The following LAMA2 variants were observed in gnomAD, a reference collection of about 807,000 sequenced individuals.
LAMA2 encodes the protein laminin subunit alpha 2, also known as laminin subunit alpha-2.
A neutral mutation model predicts 364.8 loss-of-function variants in LAMA2; 269 were observed. That is an observed-to-expected ratio of 0.74 (90% CI 0.67 to 0.82). LAMA2 has a LOEUF of 0.82. LAMA2 is among the 40% of genes least tolerant of loss of function. The probability of loss-of-function intolerance (pLI) is 0.00; values close to 1 mark genes in which losing one functional copy is unlikely to be tolerated. For missense variants in LAMA2, 3,807 were observed against 3,873.2 expected (o/e 0.98, Z 0.45); for synonymous variants, 1,379 against 1,370.6 (o/e 1.01, Z -0.14).
chr6:129,081,176 A>T (rs1037484834), intron 3 of LAMA2, among the ~76,000 whole-genome samples: 1 of 147,368 alleles, frequency 6.8e-6, no homozygotes, highest in Admixed American at 6.7e-5. Flanking sequence ...TCTCACTCAT[A>T]GGTGGGAAAC....
intron 22 of LAMA2, among the ~76,000 whole-genome samples, chr6:129,306,013 C>G (rs1329168528): frequency 6.6e-6 from 1 of 152,028 alleles, no homozygotes; most frequent in African/African-American, 2.4e-5. Context: ...AACCTTACAA[C>G]AGGAAACCTC....
At chr6:129,118,307 A>C (rs1048082707) in intron 4 of LAMA2, among the ~76,000 whole-genome samples, 4 of 152,178 alleles carry the variant, frequency 2.6e-5, no homozygotes, top group African/African-American at 9.7e-5. Flanking sequence ...TCTAATTTCC[A>C]ATTCTATCAC....
chr6:129,227,184 G>A (rs6931173), intron 12 of LAMA2, among the ~76,000 whole-genome samples: 20,186 of 152,002 alleles, frequency 0.13, 3,346 homozygotes, highest in African/African-American at 0.39. Context: ...AGCTCCATCA[G>A]GTCATTTAAG....
intron 28 of LAMA2, among the ~76,000 whole-genome samples, chr6:129,327,889 A>G (rs1252296038): frequency 6.6e-6 from 1 of 152,186 alleles, no homozygotes; most frequent in Non-Finnish European, 1.5e-5. Context: ...TTCATTGGAC[A>G]TTTGCTAGTT....
rs1375710164 is a variant in LAMA2 at position 129,393,087 on chromosome 6, A to T, written c.5277A>T (p.Gly1759=). The change falls in exon 37 of 65, where the codon GGA becomes GGT. Residue 1759 remains glycine (G), a synonymous_variant. Transcript: ENST00000421865. ...ALLKKVKKLF[G]ESRGENEEME... is the part of the protein sequence containing the mutation. ...TGAAAAAAGTGAAGAAGCTGTTTGG[A>T]GAGTCCCGGGGGGAAAATGAAGAAA... 6.2e-7 allele frequency: 1 copy of T among 1,613,884 alleles called. No individual in the cohort carries two copies. The highest frequency in any genetic ancestry group is 1.7e-5 in the Admixed American group (1 of 59,980).
At chr6:129,071,845 G>A (rs1773337349) in intron 3 of LAMA2, among the ~76,000 whole-genome samples, 2 of 152,022 alleles carry the variant, frequency 1.3e-5, no homozygotes, top group East Asian at 3.8e-4. Flanking sequence ...AAAACAATGT[G>A]GACCAGTTGC....
intron 1 of LAMA2, chr6:128,929,828 A>T: frequency 9.6e-7 from 1 of 1,040,870 alleles, no homozygotes; most frequent in South Asian, 1.3e-5. Flanking sequence ...GAAGATACGC[A>T]GTCCCTTGTA....
At chr6:129,380,827 G>A in intron 34 of LAMA2, among the ~76,000 whole-genome samples, 1 of 152,058 alleles carries the variant, frequency 6.6e-6, no homozygotes, top group South Asian at 2.1e-4. Flanking sequence ...TGACAATTTA[G>A]TATTGAAGTA....
At chr6:129,037,666 ATTT>A (rs375410908) in intron 1 of LAMA2, among the ~76,000 whole-genome samples, 3 of 140,754 alleles carry the variant, frequency 2.1e-5, no homozygotes, top group Admixed American at 7.2e-5. Context: ...ATTTAATTTA[ATTT>A]TTTTTTTTTT....
intron 1 of LAMA2, among the ~76,000 whole-genome samples, chr6:128,972,799 A>G (rs926056682): frequency 1.3e-5 from 2 of 152,210 alleles, no homozygotes; most frequent in Non-Finnish European, 2.9e-5. Context: ...ATTACAAAGT[A>G]AAATATATTA....
chr6:129,033,149 G>T (rs1049083332), intron 1 of LAMA2, among the ~76,000 whole-genome samples: 1 of 151,830 alleles, frequency 6.6e-6, no homozygotes, highest in Non-Finnish European at 1.5e-5. Flanking sequence ...GGTAAGATTT[G>T]GGGAAGAGAA....
chr6:129,483,123 G>C (rs1417594549), intron 55 of LAMA2, among the ~76,000 whole-genome samples: 1 of 149,496 alleles, frequency 6.7e-6, no homozygotes, highest in East Asian at 1.9e-4. Context: ...ATATAATCTT[G>C]TCAATAGATA....
At chr6:129,272,556 T>C (rs1788012681) in intron 17 of LAMA2, among the ~76,000 whole-genome samples, 1 of 152,126 alleles carries the variant, frequency 6.6e-6, no homozygotes, top group South Asian at 2.1e-4. Flanking sequence ...AATGAAGACT[T>C]CTTTAAAAAA....
intron 32 of LAMA2, among the ~76,000 whole-genome samples, chr6:129,365,225 T>G (rs1441577406): frequency 6.6e-6 from 1 of 152,162 alleles, no homozygotes; most frequent in Non-Finnish European, 1.5e-5. Context: ...ATCATCAAAG[T>G]AGGGATTTGT....
intron 29 of LAMA2, among the ~76,000 whole-genome samples, chr6:129,329,817 T>C (rs1018954175): frequency 6.6e-6 from 1 of 152,152 alleles, no homozygotes; most frequent in East Asian, 1.9e-4. Flanking sequence ...GTCCGTGGCC[T>C]TTTAGAAACC....
chr6:129,158,232 T>G, intron 8 of LAMA2: 1 of 1,614,048 alleles, frequency 6.2e-7, no homozygotes, highest in Non-Finnish European at 8.5e-7. Context: ...ACCTGTACCT[T>G]TAATATCTGC....
In LAMA2 at chr6:129,179,651, C is replaced by A. The variant is rs184328305; in HGVS notation, c.1467+1785C>A. ...CTCTACACAGACAATTAAAATGCAA[C>A]AATAAACAGCAATTAAGAAATCATA... is the stretch of plus-strand genomic sequence containing the variant. On this transcript the variant is annotated intron_variant, in intron 10 of 64. Coordinates refer to ENST00000421865, the MANE Select transcript of LAMA2 (RefSeq NM_000426.4). 2.4e-4 allele frequency among the ~76,000 whole-genome samples: 37 copies of A among 152,046 alleles called. No homozygotes were observed. The East Asian group carries it at 6.6e-3, about 27-fold the overall frequency.
chr6:129,306,755 T>C (rs1773904231), intron 22 of LAMA2, among the ~76,000 whole-genome samples: 1 of 152,094 alleles, frequency 6.6e-6, no homozygotes, highest in Admixed American at 6.5e-5. Flanking sequence ...TCCAATTGAG[T>C]CTATTTTTTA....
intron 12 of LAMA2, among the ~76,000 whole-genome samples, chr6:129,205,142 C>A (rs574644692): frequency 8.1e-4 from 123 of 152,080 alleles, no homozygotes; most frequent in African/African-American, 2.8e-3. Flanking sequence ...GTAATCCCAG[C>A]ACTTTGGGAG....
Sources: gnomAD v4.1 joint callset for allele counts (sites outside exome capture counted in the v4.1 genomes callset) on GRCh38, gnomAD v4.1.1 for gene constraint, MANE v1.5 for transcripts, NCBI Gene and HGNC (gene_info 2026-07-23, HGNC 2026-07-21) for gene names.